The following LAMC3 variants were observed in gnomAD, a reference collection of about 807,000 sequenced individuals.
LAMC3 encodes laminin subunit gamma 3.
A neutral mutation model predicts 173.8 loss-of-function variants in LAMC3; 128 were observed. The ratio of observed to expected loss-of-function variants is 0.74; its 90% CI spans 0.64 to 0.85. LAMC3 has a LOEUF of 0.85. LAMC3 is among the 40% of genes least tolerant of loss of function. The probability of loss-of-function intolerance (pLI) is 0.00; values close to 1 mark genes in which losing one functional copy is unlikely to be tolerated. For missense variants in LAMC3, 2,022 were observed against 2,156.0 expected (o/e 0.94, Z 1.23); for synonymous variants, 897 against 909.1 (o/e 0.99, Z 0.24).
intron 26 of LAMC3, 24 bp downstream of exon 26, chr9:131,087,646 C>G: frequency 6.2e-7 from 1 of 1,613,844 alleles, no homozygotes; most frequent in South Asian, 1.1e-5. Flanking sequence ...GGCCCCTACC[C>G]TATCGCCTCC....
intron 7 of LAMC3, among the ~76,000 whole-genome samples, chr9:131,045,246 C>CAAAA (rs71501241): frequency 2.8e-4 from 41 of 144,566 alleles, no homozygotes; most frequent in South Asian, 1.3e-3. Flanking sequence ...ACAACAACAA[C>CAAAA]AAAAAAACAA....
intron 7 of LAMC3, among the ~76,000 whole-genome samples, chr9:131,044,579 C>T (rs566900309): frequency 1.9e-4 from 29 of 152,258 alleles, no homozygotes; most frequent in East Asian, 9.7e-4. Context: ...ATGACTGGAC[C>T]GTGGTGATTG....
chr9:131,038,823 T>A (rs1468992293), intron 4 of LAMC3, 41 bp from the exon 5 acceptor site: 1 of 1,601,062 alleles, frequency 6.2e-7, no homozygotes, highest in Admixed American at 1.7e-5. Flanking sequence ...TCCTACCACA[T>A]CACAGGGGAC....
chr9:131,069,620 C>T (rs1362288702), intron 16 of LAMC3, 52 bp from the exon 17 acceptor site: 1 of 1,558,618 alleles, frequency 6.4e-7, no homozygotes, highest in Non-Finnish European at 8.7e-7. Flanking sequence ...ACCCAGCACG[C>T]ACTGCCCCTG....
intron 27 of LAMC3, among the ~76,000 whole-genome samples, chr9:131,090,985 C>T (rs1401584331): frequency 6.6e-6 from 1 of 152,218 alleles, no homozygotes. Flanking sequence ...CGTACCACTG[C>T]ACTCCAGCCT....
At chr9:131,046,518 A>ATTTATTTTTTTTTTTTTTT (rs1834163581) in intron 8 of LAMC3, among the ~76,000 whole-genome samples, 1 of 49,170 alleles carries the variant, frequency 2.0e-5, no homozygotes, top group Non-Finnish European at 3.7e-5. Flanking sequence ...TAATTTTTGT[A>ATTTATTTTTTTTTTTTTTT]TTTTTTTTTT....
At chr9:131,091,445 G>A in intron 27 of LAMC3, 92 bp from the exon 28 acceptor site, 2 of 1,491,156 alleles carry the variant, frequency 1.3e-6, no homozygotes, top group Non-Finnish European at 1.8e-6. Context: ...ATCCTGGGAG[G>A]CCTGAGCTGG....
intron 13 of LAMC3, among the ~76,000 whole-genome samples, chr9:131,066,692 A>G (rs1028980487): frequency 6.6e-6 from 1 of 151,968 alleles, no homozygotes; most frequent in South Asian, 2.1e-4. Context: ...TTCACAAATT[A>G]TGTCACTGAA....
intron 12 of LAMC3, among the ~76,000 whole-genome samples, chr9:131,058,277 G>A (rs1039402435): frequency 1.3e-5 from 2 of 151,922 alleles, no homozygotes; most frequent in African/African-American, 4.8e-5. Context: ...CACCATCCTC[G>A]GCTAATTTTT....
In LAMC3 at chr9:131,071,691, TGTC is replaced by T. The variant is rs1459730167; in HGVS notation, c.3211+69_3211+71del. On this transcript the variant is annotated intron_variant, in intron 18 of 27. Coordinates refer to ENST00000361069, the MANE Select transcript of LAMC3 (RefSeq NM_006059.4). ...GAGGCCCCCAGCGCCTGCAGTCTGG[TGTC>T]GTTGGATGCTTTGGGGGCCCTCCCA... 3 of 1,470,312 alleles carry T rather than the reference TGTC, an allele frequency of 2.0e-6. No homozygotes were observed. In the East Asian group the frequency reaches 7.0e-5, roughly 34 times the overall value. The allele number at this position is 1,470,312 out of a possible 1,614,324, so 91.1% of individuals were successfully genotyped here.
intron 17 of LAMC3, among the ~76,000 whole-genome samples, chr9:131,070,058 GA>G (rs1324995385): frequency 6.6e-6 from 1 of 152,192 alleles, no homozygotes; most frequent in East Asian, 1.9e-4. Flanking sequence ...GCTCTAGGTG[GA>G]TGGGGGAAAT....
chr9:131,033,460 G>A (rs941918225), intron 3 of LAMC3, among the ~76,000 whole-genome samples: 1 of 152,058 alleles, frequency 6.6e-6, no homozygotes, highest in Admixed American at 6.6e-5. Flanking sequence ...CCAAGAGTGG[G>A]AAGGCTGGGG....
At chr9:131,065,825 G>A (rs926506179) in intron 13 of LAMC3, among the ~76,000 whole-genome samples, 1 of 122,556 alleles carries the variant, frequency 8.2e-6, no homozygotes, top group African/African-American at 3.0e-5. Flanking sequence ...TGATGATGAT[G>A]AGAATAATGG....
Position 131,026,679 on chromosome 9 carries a change from T to G in LAMC3, c.678+90T>G, listed in dbSNP as rs1588140284. 2.8e-6 allele frequency: 4 copies of G among 1,440,760 alleles called. No homozygotes were observed. The South Asian group carries it at 5.9e-5, about 21-fold the overall frequency. 89.2% of individuals were successfully genotyped at this position (1,440,760 alleles called of 1,614,324 possible). A position where few individuals can be genotyped will look rare whatever the true frequency, so the allele number is the denominator to read the frequency against. On this transcript the variant is annotated intron_variant, in intron 2 of 27. Coordinates refer to ENST00000361069, the MANE Select transcript of LAMC3 (RefSeq NM_006059.4). This position sits in a 1 kb window ranked among gnomAD's most constrained non-coding sequence, Gnocchi z 4.8. Reference sequence around the variant, plus strand: ...GTCTGATGTGCCAGGACACACAGGGTGGGGGACCTGCAAAACCCCATGGTT... The same window carrying G: ...GTCTGATGTGCCAGGACACACAGGGGGGGGGACCTGCAAAACCCCATGGTT...
intron 23 of LAMC3, 113 bp downstream of exon 23, chr9:131,079,411 C>CT: frequency 2.3e-6 from 3 of 1,331,736 alleles, no homozygotes; most frequent in Non-Finnish European, 2.1e-6. Context: ...GTAGCTCTGT[C>CT]CGGCCGGGTG....
intron 26 of LAMC3, 37 bp downstream of exon 26, chr9:131,087,659 C>T (rs778178386): frequency 1.2e-6 from 2 of 1,613,602 alleles, no homozygotes; most frequent in South Asian, 1.1e-5. Flanking sequence ...TCGCCTCCTG[C>T]CCCTGGCAGC....
intron 6 of LAMC3, 103 bp downstream of exon 6, chr9:131,039,351 TGCA>T (rs762073585): frequency 4.2e-5 from 40 of 951,418 alleles, no homozygotes; most frequent in Non-Finnish European, 5.8e-5. Flanking sequence ...CCTTCCTGTC[TGCA>T]GCTACCTCGC....
chr9:131,079,992 T>G (rs1321777522), intron 23 of LAMC3, among the ~76,000 whole-genome samples: 1 of 152,180 alleles, frequency 6.6e-6, no homozygotes, highest in East Asian at 1.9e-4. Flanking sequence ...ATTTTGTTTT[T>G]GAAACAGTCT....
rs747244970 is a variant in LAMC3 at position 131,085,770 on chromosome 9, G to A, written c.4230+47G>A. 5.1e-6 allele frequency: 8 copies of A among 1,583,908 alleles called. No individual in the cohort carries two copies. In the Admixed American group the frequency reaches 8.4e-5, roughly 17 times the overall value. ...ACAGTGGCCTCCTTCCCTCCCGGGG[G>A]GACCGCCCTTCCGCGGGCCCCTTCC... On this transcript the variant is annotated intron_variant, in intron 25 of 27. Transcript: ENST00000361069.
Sources: allele counts gnomAD v4.1 joint callset (sites outside exome capture counted in the v4.1 genomes callset), GRCh38; gene constraint gnomAD v4.1.1; non-coding constraint Gnocchi (gnomAD v3.1); transcripts MANE v1.5; gene names NCBI Gene and HGNC (gene_info 2026-07-23, HGNC 2026-07-21).